KAZN: variants seen among roughly 807,000 people sequenced by gnomAD.
KAZN encodes kazrin, periplakin interacting protein.
In KAZN, 40 loss-of-function variants were observed where a neutral mutation model predicts 87.4. The observed-to-expected ratio is 0.46, with a 90% confidence interval of 0.36 to 0.60. The LOEUF is 0.60. Among genes scored for constraint, KAZN ranks in the 20% least tolerant of loss-of-function variants. The pLI is 0.00. For missense variants in KAZN, 898 were observed against 1,073.9 expected (o/e 0.84, Z 2.29); for synonymous variants, 466 against 458.3 (o/e 1.02, Z -0.22).
At chr1:14,693,666 C>T (rs1641446540) in intron 1 of KAZN, among the ~76,000 whole-genome samples, 1 of 152,218 alleles carries the variant, frequency 6.6e-6, no homozygotes, top group Admixed American at 6.5e-5. Flanking sequence ...ATTCAGCTTA[C>T]ACCAGACTTG....
chr1:14,364,770 G>A lies in KAZN; in HGVS notation c.249+184178G>A, dbSNP rs371698061. On this transcript the variant is annotated intron_variant, in intron 2 of 16. Coordinates refer to the KAZN transcript ENST00000636203. ...GACATGCTTCATCTGAAGCTTCTAGGGAAGAATTGTTCCTTGTCTCTTTCA... is the reference window on the plus strand; with the variant it reads ...GACATGCTTCATCTGAAGCTTCTAGAGAAGAATTGTTCCTTGTCTCTTTCA... Among the ~76,000 whole-genome samples the A allele has an allele frequency of 4.2e-4, 64 of 152,316 alleles. 1 individual carries two copies. Among genetic ancestry groups the A allele is most frequent in the Admixed American group, 1.4e-3 (22 of 15,300 alleles).
chr1:14,206,138 C>T (rs1646739345), intron 2 of KAZN, among the ~76,000 whole-genome samples: 1 of 152,054 alleles, frequency 6.6e-6, no homozygotes, highest in Admixed American at 6.6e-5. Context: ...TCAAATTTCT[C>T]ATTTCCATTT....
chr1:14,159,178 T>C (rs1645658295), intron 1 of KAZN, among the ~76,000 whole-genome samples: 1 of 152,186 alleles, frequency 6.6e-6, no homozygotes, highest in Non-Finnish European at 1.5e-5. Context: ...CCAGGCATTG[T>C]CCTTCCCTTC....
chr1:14,409,347 A>C (rs72870821), intron 2 of KAZN, among the ~76,000 whole-genome samples: 5 of 152,096 alleles, frequency 3.3e-5, no homozygotes, highest in Non-Finnish European at 5.9e-5. Context: ...TGAAGCCAGG[A>C]CTCTGGGAGG....
intron 1 of KAZN, among the ~76,000 whole-genome samples, chr1:14,062,875 A>T (rs1642851392): frequency 6.6e-6 from 1 of 152,164 alleles, no homozygotes; most frequent in Non-Finnish European, 1.5e-5. Flanking sequence ...GCTGCCACAT[A>T]TGTGAACCCA....
At chr1:14,381,038 A>T (rs1661321952) in intron 2 of KAZN, among the ~76,000 whole-genome samples, 1 of 152,166 alleles carries the variant, frequency 6.6e-6, no homozygotes, top group Admixed American at 6.6e-5. Flanking sequence ...TCCCCTTCTG[A>T]GGCAGAGGAG....
chr1:13,925,826 A>G (rs1169854330), intron 1 of KAZN, among the ~76,000 whole-genome samples: 1 of 152,172 alleles, frequency 6.6e-6, no homozygotes, highest in Non-Finnish European at 1.5e-5. Flanking sequence ...CATGAATTGG[A>G]CTCAAGCACT....
At chr1:15,078,498 T>C (rs1463153750) in intron 8 of KAZN, among the ~76,000 whole-genome samples, 2 of 152,344 alleles carry the variant, frequency 1.3e-5, no homozygotes, top group East Asian at 3.9e-4. Flanking sequence ...TGATTGAAGC[T>C]GATTAAACTG....
intron 2 of KAZN, among the ~76,000 whole-genome samples, chr1:14,979,279 G>T (rs1665990994): frequency 6.6e-6 from 1 of 151,576 alleles, no homozygotes; most frequent in South Asian, 2.1e-4. Flanking sequence ...CATGGTGGTG[G>T]GCGCCTGTAA....
Position 15,067,973 on chromosome 1 carries a change from G to A in KAZN, c.1222+2220G>A, listed in dbSNP as rs534893605. On this transcript the variant is annotated intron_variant, in intron 8 of 14. Coordinates refer to ENST00000376030, the MANE Select transcript of KAZN (RefSeq NM_201628.3). ...TTTTCATTTCAGTTTTTGTAAATTA[G>A]GAGATAATTCTAAGAGTTACTAAAG... The A allele has an allele frequency of 3.9e-5, 31 of 805,062 alleles. No individual in the cohort carries two copies. The South Asian group carries it at 1.6e-3, about 42-fold the overall frequency. 49.9% of individuals were successfully genotyped at this position (805,062 alleles called of 1,614,324 possible). A position where few individuals can be genotyped will look rare whatever the true frequency, so the allele number is the denominator to read the frequency against.
chr1:14,419,666 C>T (rs902149483), intron 2 of KAZN, among the ~76,000 whole-genome samples: 1 of 152,190 alleles, frequency 6.6e-6, no homozygotes, highest in Non-Finnish European at 1.5e-5. Flanking sequence ...TTCAGAGTTC[C>T]TTCCTTCTGG....
At chr1:14,745,061 A>G (rs1381280405) in intron 1 of KAZN, among the ~76,000 whole-genome samples, 1 of 152,110 alleles carries the variant, frequency 6.6e-6, no homozygotes, top group Non-Finnish European at 1.5e-5. Context: ...GATGAAAGGA[A>G]GTCTTGCTAG....
chr1:14,811,250 A>T (rs1231905152), intron 1 of KAZN, among the ~76,000 whole-genome samples: 1 of 144,754 alleles, frequency 6.9e-6, no homozygotes. Context: ...TGTGGTATTT[A>T]TGTGTTTATA....
At chr1:14,565,755 T>C (rs1013685383) in intron 2 of KAZN, among the ~76,000 whole-genome samples, 2 of 152,228 alleles carry the variant, frequency 1.3e-5, no homozygotes, top group African/African-American at 4.8e-5. Context: ...TTTCCATCTC[T>C]AGAAGCCACT....
At chr1:14,261,153 G>A (rs1205127314) in intron 2 of KAZN, among the ~76,000 whole-genome samples, 5 of 152,192 alleles carry the variant, frequency 3.3e-5, no homozygotes. Context: ...TGGGGAATTG[G>A]ACTTCTTGGG....
intron 13 of KAZN, among the ~76,000 whole-genome samples, chr1:15,105,881 C>A (rs1641278739): frequency 6.6e-6 from 1 of 152,132 alleles, no homozygotes; most frequent in South Asian, 2.1e-4. Flanking sequence ...ATGCAGATTC[C>A]CTGGTCCTGC....
chr1:14,701,430 C>A (rs561145385), intron 1 of KAZN, among the ~76,000 whole-genome samples: 3 of 152,208 alleles, frequency 2.0e-5, no homozygotes, highest in Admixed American at 1.3e-4. Context: ...TGTGCCCAGC[C>A]TAGTATAATT....
At chr1:14,556,438 C>G (rs190521880) in intron 2 of KAZN, among the ~76,000 whole-genome samples, 1 of 151,992 alleles carries the variant, frequency 6.6e-6, no homozygotes, top group Non-Finnish European at 1.5e-5. Flanking sequence ...GCACAGCACC[C>G]CATTAATTCA....
intron 1 of KAZN, among the ~76,000 whole-genome samples, chr1:14,623,526 T>C (rs1435438892): frequency 6.6e-6 from 1 of 152,188 alleles, no homozygotes; most frequent in East Asian, 1.9e-4. Flanking sequence ...GTATTGAACT[T>C]AATACCTGAT....
Sources: allele counts gnomAD v4.1 joint callset (sites outside exome capture counted in the v4.1 genomes callset), GRCh38; gene constraint gnomAD v4.1.1; transcripts MANE v1.5; gene names NCBI Gene and HGNC (gene_info 2026-07-23, HGNC 2026-07-21).